The following RNF220 variants were observed in gnomAD, a reference collection of about 807,000 sequenced individuals.
The protein encoded by RNF220 is E3 ubiquitin-protein ligase RNF220.
RNF220 carries 7 observed loss-of-function variants against 67.1 expected under a neutral mutation model. The observed-to-expected ratio is 0.10, with a 90% CI of 0.06 to 0.20. The LOEUF is 0.20. Ranked by LOEUF, RNF220 falls within the 10% of genes least tolerant of loss-of-function variation. The pLI, the probability that RNF220 is intolerant of heterozygous loss-of-function variation, is 1.00. For synonymous variants in RNF220, 270 were observed against 283.2 expected, an observed-to-expected ratio of 0.95 and a Z score of 0.47; for missense variants, 565 against 740.3, an observed-to-expected ratio of 0.76 and a Z score of 2.75.
In RNF220 at chr1:44,614,146, G is replaced by A; in HGVS notation, c.626-19G>A. 6.2e-7 allele frequency: 1 copy of A among 1,614,004 alleles called. No homozygotes were observed. The highest frequency in any genetic ancestry group is 8.5e-7 in the Non-Finnish European group (1 of 1,179,924). ...ACTAGCCCAGCTTACGCGTCTGTCT[G>A]TTCTTCTCCCCTCACTAGGTAAGAA... On this transcript the variant is annotated intron_variant, in intron 2 of 14. Coordinates refer to ENST00000361799, the MANE Select transcript of RNF220 (RefSeq NM_018150.4).
At chr1:44,641,568 C>T (rs972036993) in intron 8 of RNF220, among the ~76,000 whole-genome samples, 3 of 152,216 alleles carry the variant, frequency 2.0e-5, no homozygotes, top group Non-Finnish European at 2.9e-5. Context: ...CCTTCCTCTC[C>T]AAGCGGGAGG....
chr1:44,567,530 C>T (rs2148307618), intron 2 of RNF220, among the ~76,000 whole-genome samples: 1 of 152,134 alleles, frequency 6.6e-6, no homozygotes, highest in East Asian at 1.9e-4. Flanking sequence ...AACAGCATTT[C>T]TCAAGCGATC....
intron 2 of RNF220, among the ~76,000 whole-genome samples, chr1:44,504,768 C>A (rs1207011830): frequency 1.3e-5 from 2 of 152,130 alleles, no homozygotes; most frequent in Non-Finnish European, 2.9e-5. Flanking sequence ...TTGGAAAATT[C>A]CCTTGCCAAA....
intron 2 of RNF220, among the ~76,000 whole-genome samples, chr1:44,483,036 T>G (rs1655975220): frequency 6.8e-6 from 1 of 148,052 alleles, no homozygotes; most frequent in African/African-American, 2.5e-5. Flanking sequence ...ATTCAGGCAG[T>G]CCTCCTGCCT....
chr1:44,632,914 ACAG>A (rs1228575198), intron 6 of RNF220: 1 of 158,148 alleles, frequency 6.3e-6, no homozygotes, highest in African/African-American at 2.4e-5. Flanking sequence ...CGTGGGCTCG[ACAG>A]CTCTTAGAGG....
At chr1:44,638,051 G>T (rs368858072) in intron 8 of RNF220, among the ~76,000 whole-genome samples, 236 of 152,340 alleles carry the variant, frequency 1.5e-3, no homozygotes, top group Admixed American at 3.2e-3. Context: ...TCAGTGGGGG[G>T]GCTATCAAAG....
intron 2 of RNF220, among the ~76,000 whole-genome samples, chr1:44,452,690 C>G (rs902645006): frequency 6.6e-6 from 1 of 152,070 alleles, no homozygotes; most frequent in Non-Finnish European, 1.5e-5. Context: ...AGGCTGGTCT[C>G]GAACTCCTGA....
intron 2 of RNF220, among the ~76,000 whole-genome samples, chr1:44,422,256 A>G (rs1314008653): frequency 2.6e-5 from 4 of 152,198 alleles, no homozygotes; most frequent in Non-Finnish European, 5.9e-5. Context: ...TGGTAAGGGC[A>G]GTGGCGCATG....
intron 2 of RNF220, among the ~76,000 whole-genome samples, chr1:44,572,011 C>T: frequency 6.6e-6 from 1 of 152,244 alleles, no homozygotes; most frequent in East Asian, 1.9e-4. Flanking sequence ...GCCACATTGC[C>T]ATCTCTCACC....
At chr1:44,483,606 C>A (rs1174904376) in intron 2 of RNF220, among the ~76,000 whole-genome samples, 2 of 151,778 alleles carry the variant, frequency 1.3e-5, no homozygotes, top group East Asian at 3.9e-4. Flanking sequence ...TTGAAGAACT[C>A]CTGAGCTAGT....
chr1:44,459,980 A>G (rs778799346), intron 2 of RNF220, among the ~76,000 whole-genome samples: 40 of 152,156 alleles, frequency 2.6e-4, no homozygotes, highest in East Asian at 3.9e-4. Flanking sequence ...GGATTAGTCT[A>G]TTTGAAAGAT....
At chr1:44,574,520 C>G (rs1209828414) in intron 2 of RNF220, among the ~76,000 whole-genome samples, 2 of 152,188 alleles carry the variant, frequency 1.3e-5, no homozygotes, top group African/African-American at 2.4e-5. Flanking sequence ...ATCTTTAATA[C>G]ATTTACTTAG....
intron 2 of RNF220, among the ~76,000 whole-genome samples, chr1:44,458,172 A>G (rs1653391929): frequency 6.6e-6 from 1 of 152,130 alleles, no homozygotes; most frequent in Non-Finnish European, 1.5e-5. Context: ...CTGAGGTGGT[A>G]GGATCACTTG....
rs539844611 is a variant in RNF220, at chr1:44,622,185, G to A, written c.759-557G>A. ...TCCATCACCTCCCACCCCAGCCCCCGCCTGCTCTGAGCCGCCCACCATATT... is the reference window on the plus strand; with the variant it reads ...TCCATCACCTCCCACCCCAGCCCCCACCTGCTCTGAGCCGCCCACCATATT... On this transcript the variant is annotated intron_variant, in intron 3 of 14. Transcript: ENST00000361799. The surrounding 1 kb of genome is among the most constrained non-coding windows in gnomAD (Gnocchi z 4.3). Among the ~76,000 whole-genome samples, 26 of 152,170 alleles carry A rather than the reference G, an allele frequency of 1.7e-4. No homozygotes were observed. The highest frequency in any genetic ancestry group is 8.5e-4 in the Admixed American group (13 of 15,294).
intron 2 of RNF220, chr1:44,573,048 G>T: frequency 2.7e-6 from 1 of 364,294 alleles, no homozygotes; most frequent in South Asian, 2.2e-5. Flanking sequence ...GTGCCAGAAT[G>T]TGGTACAGGG....
intron 2 of RNF220, among the ~76,000 whole-genome samples, chr1:44,491,376 G>T (rs6679840): frequency 6.6e-6 from 1 of 151,934 alleles, no homozygotes; most frequent in Non-Finnish European, 1.5e-5. Context: ...AGCCAGTGAC[G>T]TATAAAAAAA....
intron 2 of RNF220, among the ~76,000 whole-genome samples, chr1:44,428,301 A>C (rs1007387991): frequency 6.6e-6 from 1 of 152,202 alleles, no homozygotes; most frequent in Non-Finnish European, 1.5e-5. Flanking sequence ...AAGTCTGTGG[A>C]CCATTTACTG....
At chr1:44,459,290 C>T (rs1178038510) in intron 2 of RNF220, among the ~76,000 whole-genome samples, 1 of 151,880 alleles carries the variant, frequency 6.6e-6, no homozygotes, top group African/African-American at 2.4e-5. Flanking sequence ...TCCAGCACTG[C>T]CTTTGACGCT....
In RNF220 at chr1:44,606,870, T is replaced by C. The variant is rs747983006; in HGVS notation, c.626-7295T>C. ...TGTCAATGTCTCCCGGGTCTAGAACTCTAGCTCTGGCTCACATAGAGTGCC... is the reference window on the plus strand; with the variant it reads ...TGTCAATGTCTCCCGGGTCTAGAACCCTAGCTCTGGCTCACATAGAGTGCC... On this transcript the variant is annotated intron_variant, in intron 2 of 14. Coordinates refer to ENST00000361799, the MANE Select transcript of RNF220 (RefSeq NM_018150.4). This position sits in a 1 kb window ranked among gnomAD's most constrained non-coding sequence, Gnocchi z 4.2. 3.3e-5 allele frequency among the ~76,000 whole-genome samples: 5 copies of C among 152,198 alleles called. No individual in the cohort carries two copies. Among genetic ancestry groups the C allele is most frequent in the African/African-American group, 4.8e-5 (2 of 41,444 alleles).
Sources: gnomAD v4.1 joint callset for allele counts (sites outside exome capture counted in the v4.1 genomes callset) on GRCh38, gnomAD v4.1.1 for gene constraint, Gnocchi (gnomAD v3.1) non-coding constraint, MANE v1.5 for transcripts, NCBI Gene and HGNC (gene_info 2026-07-23, HGNC 2026-07-21) for gene names.